The following NR1D2 variants were observed in gnomAD, a reference collection of about 807,000 sequenced individuals.
NR1D2 encodes V-erbA-related protein 1-related.
NR1D2 carries 25 observed loss-of-function variants against 52.2 expected under a neutral mutation model. The observed-to-expected ratio is 0.48, with a 90% CI of 0.35 to 0.67. NR1D2 has a LOEUF of 0.67. Among genes scored for constraint, NR1D2 ranks in the 30% least tolerant of loss-of-function variants. NR1D2 has a pLI of 0.01. For missense variants in NR1D2, 681 were observed against 707.2 expected (o/e 0.96, Z 0.42); for synonymous variants, 259 against 230.1 (o/e 1.13, Z -1.14).
intron 7 of NR1D2, among the ~76,000 whole-genome samples, chr3:23,969,292 A>T (rs1385035806): frequency 6.6e-6 from 1 of 151,708 alleles, no homozygotes; most frequent in East Asian, 1.9e-4. Context: ...CGTGTTAAAA[A>T]ACAAAAACAA....
At chr3:23,967,417 C>T (rs1706474800) in intron 6 of NR1D2, among the ~76,000 whole-genome samples, 1 of 151,960 alleles carries the variant, frequency 6.6e-6, no homozygotes, top group Non-Finnish European at 1.5e-5. Context: ...GAGTTTGAGA[C>T]CAGCCTTGCT....
intron 7 of NR1D2, among the ~76,000 whole-genome samples, chr3:23,975,792 C>T (rs1258745451): frequency 2.0e-5 from 3 of 152,294 alleles, no homozygotes; most frequent in African/African-American, 7.2e-5. Flanking sequence ...TATCATTCTT[C>T]TGCATTTAGA....
intron 7 of NR1D2, among the ~76,000 whole-genome samples, chr3:23,970,365 G>A (rs1010994907): frequency 6.6e-6 from 1 of 152,158 alleles, no homozygotes; most frequent in African/African-American, 2.4e-5. Flanking sequence ...GTTATTTCAG[G>A]ATAGGAACAT....
At chr3:23,947,981 G>C (rs909630771) in intron 1 of NR1D2, among the ~76,000 whole-genome samples, 11 of 152,052 alleles carry the variant, frequency 7.2e-5, no homozygotes, top group African/African-American at 2.7e-4. Context: ...AGCCGGGCGT[G>C]GTGGTGGGCT....
Position 23,962,552 on chromosome 3 carries a change from C to G in NR1D2, c.1093C>G (p.Gln365Glu), listed in dbSNP as rs775295320. 8 of 1,613,290 alleles carry G rather than the reference C, an allele frequency of 5.0e-6. No homozygotes were observed. Among genetic ancestry groups the G allele is most frequent in the Non-Finnish European group, 5.9e-6 (7 of 1,179,408 alleles). Residue 365 changes from glutamine to glutamate, a missense_variant, in exon 5 of 8, where the codon CAG becomes GAG. Gln to Glu is a conservative substitution (Grantham distance 29). Coordinates refer to ENST00000312521, the MANE Select transcript of NR1D2 (RefSeq NM_005126.5). ...CDRVPIDGFS[Q>E]NENKNSYLCN... ...TAGAGTTCCGATAGATGGATTTTCT[C>G]AGAATGAGAACAAGAATAGTTACCT...
chr3:23,946,218 C>T (rs985475658), intron 1 of NR1D2: 17 of 985,308 alleles, frequency 1.7e-5, no homozygotes, highest in Non-Finnish European at 1.9e-5. Context: ...GCGCTGACAC[C>T]GCAGTGCACC....
intron 1 of NR1D2, 46 bp from the exon 2 acceptor site, chr3:23,954,491 C>T (rs749997766): frequency 2.7e-6 from 4 of 1,505,676 alleles, no homozygotes; most frequent in Admixed American, 1.9e-5. Flanking sequence ...ATAAAAAATA[C>T]GTATTATCTT....
intron 1 of NR1D2, among the ~76,000 whole-genome samples, chr3:23,949,456 C>A (rs1472554192): frequency 6.6e-6 from 1 of 152,040 alleles, no homozygotes; most frequent in Non-Finnish European, 1.5e-5. Context: ...TCTTCAATTC[C>A]CCACTTAGAT....
Position 23,962,049 on chromosome 3 carries a change from C to T in NR1D2, c.590C>T (p.Thr197Ile). ...MLIEMQSAMKTMMNSQFSGHL... is the reference protein window; with the variant it reads ...MLIEMQSAMKIMMNSQFSGHL... Reference sequence around the variant, plus strand: ...ATTGAAATGCAAAGTGCAATGAAGACCATGATGAACAGCCAGTTCAGTGGT... The same window carrying T: ...ATTGAAATGCAAAGTGCAATGAAGATCATGATGAACAGCCAGTTCAGTGGT... Residue 197 changes from threonine to isoleucine, a missense_variant, in exon 5 of 8, where the codon ACC becomes ATC. Thr to Ile is a moderately conservative substitution (Grantham distance 89). Coordinates refer to ENST00000312521, the MANE Select transcript of NR1D2 (RefSeq NM_005126.5). 1 of 1,614,128 alleles carries T rather than the reference C, an allele frequency of 6.2e-7. No individual in the cohort carries two copies. The highest frequency in any genetic ancestry group is 8.5e-7 in the Non-Finnish European group (1 of 1,180,008).
intron 4 of NR1D2, among the ~76,000 whole-genome samples, chr3:23,960,577 C>G (rs141282734): frequency 1.3e-5 from 2 of 152,132 alleles, no homozygotes; most frequent in African/African-American, 4.8e-5. Context: ...AGTGATCCAC[C>G]TGCCTCGGCC....
At chr3:23,947,244 G>C (rs1178156828) in intron 1 of NR1D2, among the ~76,000 whole-genome samples, 1 of 152,128 alleles carries the variant, frequency 6.6e-6, no homozygotes. Context: ...ATAAGGGCTG[G>C]CTCAATTAGG....
At chr3:23,952,500 G>A (rs560743161) in intron 1 of NR1D2, among the ~76,000 whole-genome samples, 11 of 151,868 alleles carry the variant, frequency 7.2e-5, no homozygotes, top group Admixed American at 2.6e-4. Context: ...ATCTGAGGTC[G>A]GAAGTTCGTG....
At position 23,967,801 on chromosome 3, in the gene NR1D2, T is replaced by A; in HGVS notation, c.1333-12T>A. 1 of 1,604,450 alleles carries A rather than the reference T, an allele frequency of 6.2e-7. No individual in the cohort carries two copies. Among genetic ancestry groups the A allele is most frequent in the East Asian group, 2.2e-5 (1 of 44,732 alleles). On this transcript the variant is annotated splice_polypyrimidine_tract_variant and intron_variant, in intron 6 of 7. Transcript: ENST00000312521. The stretch of plus-strand genomic sequence containing the variant: ...TAGACTTCTCCAAATACATTTCTTT[T>A]TCTTTTTCCAGGTTTTAATGGTACG...
chr3:23,955,371 A>G lies in NR1D2; in HGVS notation c.283+568A>G, dbSNP rs189610837. On this transcript the variant is annotated intron_variant, in intron 2 of 7. Transcript: ENST00000312521. Reference sequence around the variant, plus strand: ...GAATTGTTTTCTTAGTTCTGGTTGCATATCTGGTATAAAGTAACTCTAAAT... The same window carrying G: ...GAATTGTTTTCTTAGTTCTGGTTGCGTATCTGGTATAAAGTAACTCTAAAT... 1.1e-3 allele frequency among the ~76,000 whole-genome samples: 162 copies of G among 152,314 alleles called. 1 individual carries two copies. The highest frequency in any genetic ancestry group is 3.7e-3 in the African/African-American group (153 of 41,564).
At chr3:23,971,095 A>G (rs1032193660) in intron 7 of NR1D2, among the ~76,000 whole-genome samples, 54 of 150,136 alleles carry the variant, frequency 3.6e-4, no homozygotes, top group Non-Finnish European at 3.1e-4. Context: ...AGCAGCATAA[A>G]TTACTAGCTG....
At position 23,958,301 on chromosome 3, in the gene NR1D2, C is replaced by T. The variant is rs554151101; in HGVS notation, c.373-1370C>T. 5.3e-5 allele frequency among the ~76,000 whole-genome samples: 8 copies of T among 152,274 alleles called. No individual in the cohort carries two copies. In the South Asian group the frequency reaches 1.7e-3, roughly 32 times the overall value. ...AACTTCTGTTAATGTAATCCACAAT[C>T]TAGTGAGGGGATTATAGCTATCAAA... On this transcript the variant is annotated intron_variant, in intron 3 of 7. Transcript: ENST00000312521.
At chr3:23,946,676 CAT>C (rs1705728459) in intron 1 of NR1D2, 1 of 152,166 alleles carries the variant, frequency 6.6e-6, no homozygotes, top group Non-Finnish European at 1.5e-5. Flanking sequence ...ACTCCAACAC[CAT>C]ATGTAAGACT....
Position 23,954,542 on chromosome 3 carries a change from G to T in NR1D2, c.22G>T (p.Val8Leu), listed in dbSNP as rs761796957. MEVNAGG[V>L]IAYISSSSSA... is the part of the protein sequence containing the mutation. ...ATTTTCCTCCTATTTTCTAGGAGGT[G>T]TGATTGCCTATATCAGTTCTTCCAG... Residue 8 changes from valine to leucine, a missense_variant, in exon 2 of 8, where the codon GTG becomes TTG. Val to Leu is a conservative substitution (Grantham distance 32). Transcript: ENST00000312521. The T allele has an allele frequency of 3.1e-6, 5 of 1,612,160 alleles. No homozygotes were observed. The highest frequency in any genetic ancestry group is 3.4e-6 in the Non-Finnish European group (4 of 1,178,550).
chr3:23,964,102 G>C (rs376502268), intron 5 of NR1D2, among the ~76,000 whole-genome samples: 1 of 148,962 alleles, frequency 6.7e-6, no homozygotes, highest in Non-Finnish European at 1.5e-5. Context: ...TTTTCGAGAC[G>C]GAGTCTCACT....
Sources: gnomAD v4.1 joint callset for allele counts (sites outside exome capture counted in the v4.1 genomes callset) on GRCh38, gnomAD v4.1.1 for gene constraint, MANE v1.5 for transcripts, NCBI Gene and HGNC (gene_info 2026-07-23, HGNC 2026-07-21) for gene names.